Variants in MDN1 observed in about 807,000 individuals in gnomAD.
MDN1 encodes midasin AAA ATPase 1, also known as midasin.
A neutral mutation model predicts 669.2 loss-of-function variants in MDN1; 266 were observed. That is an observed-to-expected ratio of 0.40 (90% CI 0.36 to 0.44). MDN1 has a LOEUF of 0.44. Among genes scored for constraint, MDN1 ranks in the 20% least tolerant of loss-of-function variants. The pLI is 1.00. For synonymous variants in MDN1, 2,385 were observed against 2,457.1 expected (o/e 0.97, Z 0.87); for missense variants, 5,940 against 6,754.0 (o/e 0.88, Z 4.22).
chr6:89,750,925 T>TC (rs1213892871), intron 23 of MDN1, among the ~76,000 whole-genome samples: 2 of 151,804 alleles, frequency 1.3e-5, no homozygotes, highest in Non-Finnish European at 2.9e-5. Context: ...GGTTTTTTTT[T>TC]TTTAAAAGAA....
chr6:89,672,976 A>G (rs375189927), intron 80 of MDN1, among the ~76,000 whole-genome samples: 1 of 152,238 alleles, frequency 6.6e-6, no homozygotes, highest in Non-Finnish European at 1.5e-5. Context: ...ATCAGTGCCA[A>G]GCTTTTTCAA....
At chr6:89,809,215 C>CAAAAAAA (rs1167270500) in intron 1 of MDN1, among the ~76,000 whole-genome samples, 8 of 59,294 alleles carry the variant, frequency 1.3e-4, no homozygotes, top group Non-Finnish European at 1.9e-4. Context: ...GACACTGTCT[C>CAAAAAAA]AAAAAAAAAA....
At chr6:89,755,944 C>G (rs193224689) in intron 20 of MDN1, among the ~76,000 whole-genome samples, 1 of 152,278 alleles carries the variant, frequency 6.6e-6, no homozygotes, top group East Asian at 1.9e-4. Context: ...AATAGAAAAG[C>G]AACCTTCTTC....
chr6:89,764,567 T>G (rs1817707167), intron 15 of MDN1, among the ~76,000 whole-genome samples: 1 of 152,142 alleles, frequency 6.6e-6, no homozygotes, highest in African/African-American at 2.4e-5. Flanking sequence ...ATGAACATAA[T>G]GTAAGGTAAA....
At position 89,722,800 on chromosome 6, in the gene MDN1, T is replaced by C. The variant is rs571644359; in HGVS notation, c.5967+155A>G. ...AGGTGAAGCTGCAGCAAGCCAAGAT[T>C]ATGCCATTGCACTCCAGCCTGGGCA... On this transcript the variant is annotated intron_variant, in intron 40 of 101. Transcript: ENST00000369393. Among the ~76,000 whole-genome samples the C allele has an allele frequency of 4.7e-5, 7 of 148,878 alleles. No individual in the cohort carries two copies. In the South Asian group the frequency reaches 1.5e-3, roughly 31 times the overall value.
chr6:89,653,284 T>C (rs1423802926), intron 93 of MDN1, 129 bp from the exon 94 acceptor site: 1 of 922,808 alleles, frequency 1.1e-6, no homozygotes, highest in South Asian at 1.9e-5. Flanking sequence ...CATTTCCACA[T>C]GTTGATTTCA....
chr6:89,733,133 A>G (rs1299123850), intron 33 of MDN1, among the ~76,000 whole-genome samples: 1 of 152,182 alleles, frequency 6.6e-6, no homozygotes, highest in Non-Finnish European at 1.5e-5. Context: ...ATTTTGTTAT[A>G]TCTTATAATT....
At chr6:89,763,727 T>TGGA (rs2128321250) in intron 15 of MDN1, among the ~76,000 whole-genome samples, 1 of 152,282 alleles carries the variant, frequency 6.6e-6, no homozygotes, top group South Asian at 2.1e-4. Flanking sequence ...ACTGATGGAT[T>TGGA]ACTGCTGACT....
At chr6:89,727,512 C>T (rs2128314434) in intron 37 of MDN1, among the ~76,000 whole-genome samples, 1 of 152,270 alleles carries the variant, frequency 6.6e-6, no homozygotes, top group South Asian at 2.1e-4. Context: ...GCGGTTGACG[C>T]TATTTATAAA....
At chr6:89,740,471 CT>C in intron 31 of MDN1, 93 bp from the exon 32 acceptor site, 1 of 1,206,510 alleles carries the variant, frequency 8.3e-7, no homozygotes, top group South Asian at 1.7e-5. Context: ...AAAAAGTTAT[CT>C]TCTTTCTACT....
chr6:89,812,364 T>G (rs961697498), intron 1 of MDN1, among the ~76,000 whole-genome samples: 8 of 151,912 alleles, frequency 5.3e-5, no homozygotes, highest in African/African-American at 1.9e-4. Flanking sequence ...GCAGGTAGAT[T>G]GTCTGAGCTC....
chr6:89,683,465 A>G (rs1231123003), intron 72 of MDN1, 135 bp from the exon 73 acceptor site: 2 of 704,292 alleles, frequency 2.8e-6, no homozygotes, highest in Admixed American at 2.9e-5. Flanking sequence ...CTCCTTAAAT[A>G]TTAATAGTTG....
Position 89,794,092 on chromosome 6 carries a change from C to A in MDN1, c.662+8G>T. On this transcript the variant is annotated splice_region_variant and intron_variant, in intron 4 of 101. Transcript: ENST00000369393. ...TATAGCAAGACCTCCACGAAGGTTCCTGCTTACCTCAACCTGAAATGGATC... is the reference window on the plus strand; with the variant it reads ...TATAGCAAGACCTCCACGAAGGTTCATGCTTACCTCAACCTGAAATGGATC... 1 of 1,544,452 alleles carries A rather than the reference C, an allele frequency of 6.5e-7. No homozygotes were observed. The highest frequency in any genetic ancestry group is 8.8e-7 in the Non-Finnish European group (1 of 1,138,100).
chr6:89,723,080 G>A lies in MDN1; in HGVS notation c.5842C>T (p.Leu1948Phe). The change falls in exon 40 of 102, where the codon CTC (leucine) becomes TTC (phenylalanine). Residue 1948 changes from leucine to phenylalanine, a missense_variant. Around this residue, in one of 5 missense-constraint regions of MDN1, gnomAD observed 2,292 missense variants for 2,638.3 expected, o/e 0.87. Transcript: ENST00000369393. The part of the protein sequence containing the change: ...GQKGGPWEFN[L>F]RDLFRWCQLM... The stretch of plus-strand genomic sequence containing the variant: ...TGACACCAGCGGAAAAGGTCCCGGA[G>A]GTTGAATTCCCAGGGTCCTCCTTTT... The A allele has an allele frequency of 6.2e-7, 1 of 1,614,160 alleles. No individual in the cohort carries two copies. Among genetic ancestry groups the A allele is most frequent in the South Asian group, 1.1e-5 (1 of 91,078 alleles).
rs1417062483 is a variant in MDN1 at position 89,749,387 on chromosome 6, A to G, written c.3616-18T>C. ...GAAAGGACCTAGACAAAGCACAGGAAGAATGCAGTAAAAGGTGCCTTTTAA... is the reference window on the plus strand; with the variant it reads ...GAAAGGACCTAGACAAAGCACAGGAGGAATGCAGTAAAAGGTGCCTTTTAA... On this transcript the variant is annotated intron_variant, in intron 25 of 101. Coordinates refer to ENST00000369393, the MANE Select transcript of MDN1 (RefSeq NM_014611.3). The G allele has an allele frequency of 6.2e-7, 1 of 1,612,136 alleles. No homozygotes were observed. Among genetic ancestry groups the G allele is most frequent in the South Asian group, 1.1e-5 (1 of 90,542 alleles).
intron 73 of MDN1, 100 bp downstream of exon 73, chr6:89,683,032 G>T (rs1811751531): frequency 1.7e-6 from 2 of 1,202,732 alleles, no homozygotes; most frequent in Admixed American, 4.2e-5. Context: ...AGATTTCAAA[G>T]GCATTTTCTT....
intron 10 of MDN1, 46 bp from the exon 11 acceptor site, chr6:89,780,339 G>A: frequency 2.4e-6 from 3 of 1,266,150 alleles, no homozygotes; most frequent in Admixed American, 2.5e-5. Context: ...AAGACCACAG[G>A]CCAAAGACAT....
intron 1 of MDN1, among the ~76,000 whole-genome samples, chr6:89,809,352 T>C (rs1314487492): frequency 3.3e-5 from 5 of 151,922 alleles, no homozygotes; most frequent in Non-Finnish European, 7.4e-5. Context: ...TATACAAGAC[T>C]GAACATAGTG....
Position 89,656,735 on chromosome 6 carries a change from A to T in MDN1, c.15250T>A (p.Leu5084Met). Residue 5084 changes from leucine to methionine, a missense_variant, in exon 91 of 102, where the codon TTG becomes ATG. Transcript: ENST00000369393. The part of the protein sequence containing the change: ...EGHESNFIAQ[L>M]ASQKHTRKNT... ...TTCCTGGTGTGCTTCTGGGAGGCCAACTGGGCAATGAAATTCGATTCATGG... is the reference window on the plus strand; with the variant it reads ...TTCCTGGTGTGCTTCTGGGAGGCCATCTGGGCAATGAAATTCGATTCATGG... 6.2e-7 allele frequency: 1 copy of T among 1,613,430 alleles called. No individual in the cohort carries two copies. Among genetic ancestry groups the T allele is most frequent in the Non-Finnish European group, 8.5e-7 (1 of 1,179,658 alleles).
Sources: allele counts gnomAD v4.1 joint callset (sites outside exome capture counted in the v4.1 genomes callset), GRCh38; gene constraint gnomAD v4.1.1; regional missense constraint gnomAD v4.1.1; transcripts MANE v1.5; gene names NCBI Gene and HGNC (gene_info 2026-07-23, HGNC 2026-07-21).